IQCM: variants seen among roughly 807,000 people sequenced by gnomAD.
IQCM encodes the protein IQ domain-containing protein M.
In IQCM, 45 loss-of-function variants were observed where a neutral mutation model predicts 57.6. That is an observed-to-expected ratio of 0.78 (90% confidence interval 0.62 to 1.00). IQCM has a LOEUF of 1.00. IQCM is among the 50% of genes least tolerant of loss of function. The pLI is 0.00. For synonymous variants in IQCM, 148 were observed against 158.9 expected (o/e 0.93, Z 0.51); for missense variants, 468 against 511.6 (o/e 0.91, Z 0.82).
At chr4:149,548,377 C>G in intron 12 of IQCM, 78 bp downstream of exon 12, 3 of 1,148,114 alleles carry the variant, frequency 2.6e-6, no homozygotes, top group Non-Finnish European at 3.3e-6. Flanking sequence ...AAGAGAACAA[C>G]TAAGGAAAGT....
intron 13 of IQCM, among the ~76,000 whole-genome samples, chr4:149,405,750 C>A (rs1732927771): frequency 1.3e-5 from 2 of 149,936 alleles, no homozygotes; most frequent in South Asian, 4.2e-4. Context: ...TTTTATTCAT[C>A]TATTATTTCA....
chr4:149,567,188 G>T (rs1750715905), intron 9 of IQCM, among the ~76,000 whole-genome samples: 1 of 151,770 alleles, frequency 6.6e-6, no homozygotes. Context: ...TGACTTATTT[G>T]CAAAGTTTGG....
At chr4:149,590,247 C>CTTTTTTTTTTTT (rs71596214) in intron 8 of IQCM, among the ~76,000 whole-genome samples, 81 of 73,612 alleles carry the variant, frequency 1.1e-3, no homozygotes, top group East Asian at 2.1e-3. Context: ...TTTTTCTTTC[C>CTTTTTTTTTTTT]TTTTTTTTTT....
rs1222907602 is a variant in IQCM, at chr4:149,787,471, A to G, written c.-49+27840T>C. Among the ~76,000 whole-genome samples, 4 of 152,240 alleles carry G rather than the reference A, an allele frequency of 2.6e-5. No individual in the cohort carries two copies. The East Asian group carries it at 7.7e-4, about 29-fold the overall frequency. ...GCTACAGTAACCAAAAGAGCATTGT[A>G]TGTGTATAAAAGCAGACACATAGAC... On this transcript the variant is annotated intron_variant, in intron 2 of 13. Transcript: ENST00000636793.
chr4:149,395,850 C>T (rs1426111459), intron 13 of IQCM, among the ~76,000 whole-genome samples: 2 of 151,908 alleles, frequency 1.3e-5, no homozygotes, highest in African/African-American at 4.8e-5. Flanking sequence ...ACCCTGAAAA[C>T]ACTAATATGT....
chr4:149,447,752 A>G (rs1220552283), intron 12 of IQCM, among the ~76,000 whole-genome samples: 1 of 151,624 alleles, frequency 6.6e-6, no homozygotes, highest in African/African-American at 2.4e-5. Context: ...TCCAAATTAA[A>G]TTAAAATTAT....
chr4:149,539,758 G>A lies in IQCM; in HGVS notation c.1228+8697C>T, dbSNP rs543630838. 3.8e-4 allele frequency among the ~76,000 whole-genome samples: 58 copies of A among 152,138 alleles called. 1 individual carries two copies. The highest frequency in any genetic ancestry group is 2.5e-3 in the South Asian group (12 of 4,814). ...TGGGCACCTGTAATCCTAGCTATTC[G>A]GGAGGCTGAGGAAGGAAAATCTCTT... On this transcript the variant is annotated intron_variant, in intron 12 of 13. Transcript: ENST00000636793.
chr4:149,440,897 T>C (rs1735875196), intron 12 of IQCM, among the ~76,000 whole-genome samples: 1 of 152,246 alleles, frequency 6.6e-6, no homozygotes, highest in East Asian at 1.9e-4. Flanking sequence ...TTGATTATAC[T>C]AATGTTAAGA....
chr4:149,668,345 A>T (rs977588389), intron 7 of IQCM, among the ~76,000 whole-genome samples: 1 of 152,202 alleles, frequency 6.6e-6, no homozygotes, highest in Non-Finnish European at 1.5e-5. Context: ...TAAGTGAAGG[A>T]GAAATAAAAC....
intron 12 of IQCM, among the ~76,000 whole-genome samples, chr4:149,487,746 A>C (rs1741674735): frequency 6.6e-6 from 1 of 152,048 alleles, no homozygotes; most frequent in South Asian, 2.1e-4. Flanking sequence ...TCCCCTAGTC[A>C]CTGCACTCTC....
intron 7 of IQCM, among the ~76,000 whole-genome samples, chr4:149,677,828 G>C (rs1364898540): frequency 6.6e-6 from 1 of 151,810 alleles, no homozygotes; most frequent in Non-Finnish European, 1.5e-5. Flanking sequence ...ATTTAACAAA[G>C]AGATTGAAAT....
At chr4:149,602,048 A>C (rs1051502556) in intron 8 of IQCM, among the ~76,000 whole-genome samples, 1 of 151,494 alleles carries the variant, frequency 6.6e-6, no homozygotes, top group Non-Finnish European at 1.5e-5. Context: ...AAAAAAAAAA[A>C]AAAAAAAGAA....
intron 8 of IQCM, among the ~76,000 whole-genome samples, chr4:149,605,800 C>T (rs1754721386): frequency 7.0e-6 from 1 of 142,248 alleles, no homozygotes; most frequent in Non-Finnish European, 1.6e-5. Context: ...TCCCCCAACT[C>T]CTGAGTCACT....
chr4:149,638,483 A>C (rs1757906879), intron 7 of IQCM, among the ~76,000 whole-genome samples: 2 of 152,020 alleles, frequency 1.3e-5, no homozygotes, highest in African/African-American at 2.4e-5. Flanking sequence ...ACTAGATAAA[A>C]CCTGGAAATA....
chr4:149,699,684 G>A (rs1763613516), intron 5 of IQCM, among the ~76,000 whole-genome samples: 1 of 142,098 alleles, frequency 7.0e-6, no homozygotes, highest in Non-Finnish European at 1.5e-5. Flanking sequence ...GGTTAAAAGG[G>A]GTTTGAGTGG....
intron 10 of IQCM, among the ~76,000 whole-genome samples, chr4:149,559,427 C>A (rs1214051811): frequency 6.6e-6 from 1 of 152,122 alleles, no homozygotes; most frequent in Admixed American, 6.6e-5. Flanking sequence ...AATAGCTCAC[C>A]TAAGCTCATT....
intron 9 of IQCM, among the ~76,000 whole-genome samples, chr4:149,585,164 A>C (rs80289398): frequency 1.8e-4 from 27 of 151,702 alleles, no homozygotes; most frequent in Non-Finnish European, 1.9e-4. Flanking sequence ...ATAGTAATAT[A>C]TGTGTGACAT....
At chr4:149,672,137 C>T (rs946222272) in intron 7 of IQCM, among the ~76,000 whole-genome samples, 5 of 152,088 alleles carry the variant, frequency 3.3e-5, no homozygotes, top group Non-Finnish European at 5.9e-5. Context: ...TCATCAAAGA[C>T]GAAAGGTAGA....
chr4:149,355,907 T>C (rs1728940253), intron 13 of IQCM, among the ~76,000 whole-genome samples: 1 of 152,082 alleles, frequency 6.6e-6, no homozygotes, highest in Non-Finnish European at 1.5e-5. Context: ...CAGCACCTGT[T>C]GTTTCCTGAC....
Sources: allele counts gnomAD v4.1 joint callset (sites outside exome capture counted in the v4.1 genomes callset), GRCh38; gene constraint gnomAD v4.1.1; transcripts MANE v1.5; gene names NCBI Gene and HGNC (gene_info 2026-07-23, HGNC 2026-07-21).